The following ACACA variants were observed in gnomAD, a reference collection of about 807,000 sequenced individuals.
ACACA encodes the protein acetyl-CoA carboxylase alpha, also known as acetyl-CoA carboxylase 1.
Under a neutral mutation model 296.1 loss-of-function variants are expected in ACACA, and 103 were observed. That is an observed-to-expected ratio of 0.35 (90% confidence interval 0.30 to 0.41). The LOEUF (loss-of-function observed/expected upper bound fraction) is 0.41, where lower values mean the gene tolerates loss of function less well. Ranked by LOEUF, ACACA falls within the 10% of genes least tolerant of loss-of-function variation. The pLI is 1.00. For synonymous variants in ACACA, 953 were observed against 1,038.6 expected (o/e 0.92, Z 1.58); for missense variants, 1,554 against 2,989.7 (o/e 0.52, Z 11.20).
rs749244474 is a variant in ACACA at position 37,406,320 on chromosome 17, A to G, written c.-21T>C. 9 of 1,614,004 alleles carry G rather than the reference A, an allele frequency of 5.6e-6. No homozygotes were observed. Among genetic ancestry groups the G allele is most frequent in the East Asian group, 2.2e-5 (1 of 44,894 alleles). Reference sequence around the variant, plus strand: ...CACATCCTCTCATCATTGCGCCTCAATTTGGGCCTCTGAAGCCCAAAGAGG... The same window carrying G: ...CACATCCTCTCATCATTGCGCCTCAGTTTGGGCCTCTGAAGCCCAAAGAGG... On this transcript the variant is annotated 5_prime_UTR_variant, in exon 1 of 56. Coordinates refer to ENST00000616317, the MANE Select transcript of ACACA (RefSeq NM_198834.3).
intron 5 of ACACA, among the ~76,000 whole-genome samples, chr17:37,280,730 AACACACACACACACAC>A (rs71979048): frequency 6.8e-6 from 1 of 146,374 alleles, no homozygotes; most frequent in African/African-American, 2.5e-5. Context: ...TTACATAGTT[AACACACACACACACAC>A]ACACACACAC....
chr17:37,271,695 C>T (rs1007797539), intron 9 of ACACA, among the ~76,000 whole-genome samples: 4 of 150,578 alleles, frequency 2.7e-5, no homozygotes, highest in Non-Finnish European at 4.4e-5. Context: ...TGGGGTTGGG[C>T]GTAGTGGCTC....
rs986320429 is a variant in ACACA at position 37,342,311 on chromosome 17, G to A, written c.39-2461C>T. ...TAATCCCAGCTACTGGGGAGGCTGA[G>A]GAAGGAGAATAGCTTGAACCCAGGA... is the stretch of plus-strand genomic sequence containing the variant. On this transcript the variant is annotated intron_variant, in intron 1 of 55. Transcript: ENST00000616317. Among the ~76,000 whole-genome samples, 7 of 146,832 alleles carry A rather than the reference G, an allele frequency of 4.8e-5. No homozygotes were observed. The Admixed American group carries it at 4.8e-4, about 10-fold the overall frequency.
At chr17:37,124,524 G>A (rs1204724801) in intron 48 of ACACA, among the ~76,000 whole-genome samples, 1 of 152,182 alleles carries the variant, frequency 6.6e-6, no homozygotes, top group African/African-American at 2.4e-5. Flanking sequence ...TTAGTGTGCC[G>A]TGAGGAATCT....
At chr17:37,164,860 C>A (rs1350473984) in intron 41 of ACACA, among the ~76,000 whole-genome samples, 1 of 152,192 alleles carries the variant, frequency 6.6e-6, no homozygotes, top group Non-Finnish European at 1.5e-5. Flanking sequence ...GATACAAGCC[C>A]TGAAGAATCT....
chr17:37,173,885 C>T (rs2076966993), intron 41 of ACACA, among the ~76,000 whole-genome samples: 1 of 145,300 alleles, frequency 6.9e-6, no homozygotes, highest in Non-Finnish European at 1.5e-5. Flanking sequence ...GCGATCTTGG[C>T]TCGCTGCATC....
intron 3 of ACACA, among the ~76,000 whole-genome samples, chr17:37,325,987 T>C (rs1385723846): frequency 1.3e-5 from 2 of 149,810 alleles, no homozygotes; most frequent in Non-Finnish European, 1.5e-5. Flanking sequence ...GCAGGTGGAT[T>C]GCCTGAGATC....
intron 3 of ACACA, among the ~76,000 whole-genome samples, chr17:37,291,095 A>AG (rs1163624924): frequency 6.6e-6 from 1 of 151,030 alleles, no homozygotes; most frequent in African/African-American, 2.4e-5. Context: ...AAAAAAAAAA[A>AG]AAGAAAAAGA....
At chr17:37,363,480 C>T (rs1454419591) in intron 1 of ACACA, among the ~76,000 whole-genome samples, 2 of 151,788 alleles carry the variant, frequency 1.3e-5, no homozygotes, top group African/African-American at 2.4e-5. Flanking sequence ...TGGACCTGGC[C>T]GACTTTTTCT....
chr17:37,174,010 ATATATATATATTTTT>A (rs1255840259), intron 41 of ACACA, among the ~76,000 whole-genome samples: 11 of 12,182 alleles, frequency 9.0e-4, no homozygotes, highest in South Asian at 5.6e-3. Flanking sequence ...ATATATATAT[ATATATATATATTTTT>A]TTTTTTTTTT....
intron 45 of ACACA, among the ~76,000 whole-genome samples, chr17:37,148,262 T>G (rs2075897895): frequency 6.6e-6 from 1 of 151,350 alleles, no homozygotes; most frequent in African/African-American, 2.4e-5. Flanking sequence ...CTTAAGACTC[T>G]CAGCAGTTTC....
chr17:37,253,227 C>T (rs536769761), intron 14 of ACACA, among the ~76,000 whole-genome samples, 191 bp from the exon 15 acceptor site: 3 of 152,142 alleles, frequency 2.0e-5, no homozygotes, highest in South Asian at 4.1e-4. Flanking sequence ...CCTGTCTCTA[C>T]TAAAAATACA....
intron 1 of ACACA, among the ~76,000 whole-genome samples, chr17:37,401,075 C>G (rs1357826941): frequency 6.6e-6 from 1 of 152,110 alleles, no homozygotes; most frequent in Non-Finnish European, 1.5e-5. Context: ...AATAATCATT[C>G]TGACAGGTGT....
chr17:37,161,510 G>T, intron 42 of ACACA: 2 of 515,960 alleles, frequency 3.9e-6, no homozygotes, highest in Non-Finnish European at 6.8e-6. Context: ...AGCATGTCTC[G>T]CACTAAATGC....
chr17:37,370,098 C>T (rs1445992611), intron 1 of ACACA, among the ~76,000 whole-genome samples: 3 of 151,346 alleles, frequency 2.0e-5, no homozygotes, highest in Admixed American at 6.6e-5. Context: ...CCTCTGCCTC[C>T]TGGGTTCAAG....
intron 2 of ACACA, among the ~76,000 whole-genome samples, chr17:37,335,014 T>C (rs2048051282): frequency 1.3e-5 from 2 of 152,046 alleles, no homozygotes; most frequent in Admixed American, 1.3e-4. Context: ...TACCAGTATG[T>C]CTGATGGGGG....
chr17:37,275,511 A>AG (rs1356514312), intron 8 of ACACA, among the ~76,000 whole-genome samples: 1 of 150,894 alleles, frequency 6.6e-6, no homozygotes, highest in Non-Finnish European at 1.5e-5. Context: ...AAAAAAAAAA[A>AG]AAGAAAAAAA....
intron 1 of ACACA, among the ~76,000 whole-genome samples, chr17:37,373,200 C>T (rs376193854): frequency 1.2e-4 from 19 of 152,014 alleles, no homozygotes; most frequent in African/African-American, 4.3e-4. Context: ...ATTTTGACTG[C>T]AGCTCTTCCA....
chr17:37,194,491 G>A (rs1264954917), intron 35 of ACACA, among the ~76,000 whole-genome samples: 1 of 152,002 alleles, frequency 6.6e-6, no homozygotes, highest in Non-Finnish European at 1.5e-5. Flanking sequence ...GATAAACTTG[G>A]GTCTCTCTAG....
Sources: gnomAD v4.1 joint callset for allele counts (sites outside exome capture counted in the v4.1 genomes callset) on GRCh38, gnomAD v4.1.1 for gene constraint, MANE v1.5 for transcripts, NCBI Gene and HGNC (gene_info 2026-07-23, HGNC 2026-07-21) for gene names.